SHB: variants seen among roughly 807,000 people sequenced by gnomAD.
SHB encodes SH2 domain containing adaptor protein B.
Under a neutral mutation model 52.3 loss-of-function variants are expected in SHB, and 20 were observed. The ratio of observed to expected loss-of-function variants is 0.38; its 90% CI spans 0.27 to 0.56. SHB has a LOEUF of 0.56. Among genes scored for constraint, SHB ranks in the 20% least tolerant of loss-of-function variants. The pLI is 0.71. For missense variants in SHB, 825 were observed against 723.3 expected, an observed-to-expected ratio of 1.14 and a Z score of -1.61; for synonymous variants, 397 against 316.5, an observed-to-expected ratio of 1.25 and a Z score of -2.70.
At chr9:37,994,522 A>G (rs1587234495) in intron 2 of SHB, among the ~76,000 whole-genome samples, 1 of 152,244 alleles carries the variant, frequency 6.6e-6, no homozygotes, top group African/African-American at 2.4e-5. Flanking sequence ...TCTGCCGCCT[A>G]CCAGCCTATG....
chr9:38,020,821 G>T (rs908634784), intron 1 of SHB, among the ~76,000 whole-genome samples: 4 of 152,078 alleles, frequency 2.6e-5, no homozygotes, highest in African/African-American at 7.2e-5. Flanking sequence ...GTGACGGGGT[G>T]GGGGGGTGGC....
chr9:38,022,593 A>G (rs949597718), intron 1 of SHB, among the ~76,000 whole-genome samples: 5 of 152,198 alleles, frequency 3.3e-5, no homozygotes, highest in Non-Finnish European at 2.9e-5. Flanking sequence ...CCCCGCTCCG[A>G]GGCCTGAAGT....
intron 3 of SHB, among the ~76,000 whole-genome samples, chr9:37,966,825 A>G (rs1415018363): frequency 6.6e-6 from 1 of 152,200 alleles, no homozygotes; most frequent in Admixed American, 6.5e-5. Flanking sequence ...GATGAGTCAC[A>G]TAGCTTGGTG....
chr9:38,023,378 T>C (rs150121110), intron 1 of SHB, among the ~76,000 whole-genome samples: 124 of 152,246 alleles, frequency 8.1e-4, no homozygotes, highest in African/African-American at 2.8e-3. Context: ...AATCAGATGA[T>C]CCAAGGATGT....
chr9:38,034,634 T>C (rs1457708286), intron 1 of SHB, among the ~76,000 whole-genome samples: 1 of 152,246 alleles, frequency 6.6e-6, no homozygotes, highest in Non-Finnish European at 1.5e-5. Context: ...GGTTGACCAC[T>C]GTCTTGCATG....
chr9:37,971,277 C>T (rs1388947715), intron 3 of SHB, among the ~76,000 whole-genome samples: 1 of 152,200 alleles, frequency 6.6e-6, no homozygotes, highest in African/African-American at 2.4e-5. Flanking sequence ...TGGGGGTCCT[C>T]GCCATCCTTC....
chr9:37,962,298 G>A (rs747711056), intron 3 of SHB, among the ~76,000 whole-genome samples: 2 of 152,046 alleles, frequency 1.3e-5, no homozygotes, highest in African/African-American at 4.8e-5. Context: ...AAGAAGATAG[G>A]GCATTTCATT....
At chr9:37,934,779 G>T (rs915707157) in intron 5 of SHB, among the ~76,000 whole-genome samples, 6 of 152,224 alleles carry the variant, frequency 3.9e-5, no homozygotes, top group African/African-American at 1.2e-4. Flanking sequence ...ACAGGGTGGA[G>T]AATTTTCTCA....
intron 3 of SHB, among the ~76,000 whole-genome samples, chr9:37,961,987 T>C (rs576972342): frequency 6.6e-6 from 1 of 152,308 alleles, no homozygotes; most frequent in East Asian, 1.9e-4. Flanking sequence ...ATGGAGGAGC[T>C]GCAGTGACTC....
At chr9:38,022,542 T>C (rs961353880) in intron 1 of SHB, among the ~76,000 whole-genome samples, 5 of 152,192 alleles carry the variant, frequency 3.3e-5, no homozygotes, top group African/African-American at 4.8e-5. Context: ...CAAATAGCAT[T>C]TGGGGACGTG....
At chr9:38,014,555 C>G (rs1206896781) in intron 2 of SHB, among the ~76,000 whole-genome samples, 1 of 152,278 alleles carries the variant, frequency 6.6e-6, no homozygotes, top group Non-Finnish European at 1.5e-5. Flanking sequence ...GATCCAAACA[C>G]AAGCTCAACT....
chr9:37,972,438 C>T (rs1820601030), intron 3 of SHB, among the ~76,000 whole-genome samples: 1 of 152,210 alleles, frequency 6.6e-6, no homozygotes, highest in African/African-American at 2.4e-5. Flanking sequence ...TGGCTCTCGG[C>T]CAGGGGCTGG....
chr9:37,953,107 C>T (rs1012703240), intron 4 of SHB, among the ~76,000 whole-genome samples: 12 of 151,940 alleles, frequency 7.9e-5, no homozygotes, highest in African/African-American at 2.9e-4. Flanking sequence ...GGAGGAGCAC[C>T]AGGCCCAGAG....
chr9:38,061,346 AC>A, intron 1 of SHB, among the ~76,000 whole-genome samples: 1 of 150,360 alleles, frequency 6.7e-6, no homozygotes, highest in East Asian at 1.9e-4. Context: ...AAAATACATC[AC>A]CCCTACCACC....
chr9:37,982,980 C>CCCA lies in SHB; in HGVS notation c.839-8144_839-8143insTGG, dbSNP rs1000567011. Among the ~76,000 whole-genome samples, 8 of 150,008 alleles carry CCCA rather than the reference C, an allele frequency of 5.3e-5. No homozygotes were observed. In the East Asian group the frequency reaches 1.4e-3, roughly 26 times the overall value. On this transcript the variant is annotated intron_variant, in intron 2 of 5. Transcript: ENST00000377707. ...TCAGCAGGCCTCTCTGGTGCCCCCC[C>CCCA]CTCCATCTTTTCCAGCTGTGCTGGC...
chr9:38,046,279 T>C (rs1821651139), intron 1 of SHB, among the ~76,000 whole-genome samples: 1 of 152,214 alleles, frequency 6.6e-6, no homozygotes, highest in African/African-American at 2.4e-5. Context: ...CCAGGCCTGC[T>C]CATTTATATA....
chr9:37,993,287 A>C (rs980602058), intron 2 of SHB, among the ~76,000 whole-genome samples: 1 of 152,200 alleles, frequency 6.6e-6, no homozygotes, highest in Admixed American at 6.5e-5. Flanking sequence ...TGTGTTAAAC[A>C]AGAAAAAGGA....
chr9:37,940,489 C>T (rs1394923741), intron 5 of SHB, among the ~76,000 whole-genome samples: 1 of 152,162 alleles, frequency 6.6e-6, no homozygotes, highest in African/African-American at 2.4e-5. Context: ...AAGGAGAAAA[C>T]ACGAAGCACG....
chr9:37,984,254 A>T (rs986276366), intron 2 of SHB, among the ~76,000 whole-genome samples: 5 of 152,278 alleles, frequency 3.3e-5, no homozygotes, highest in Non-Finnish European at 5.9e-5. Context: ...AGGCCTGCTG[A>T]CTGAAGCCTC....
Sources: allele counts gnomAD v4.1 joint callset (sites outside exome capture counted in the v4.1 genomes callset), GRCh38; gene constraint gnomAD v4.1.1; transcripts MANE v1.5; gene names NCBI Gene and HGNC (gene_info 2026-07-23, HGNC 2026-07-21).